Variants in AIG1 observed in about 807,000 individuals in gnomAD.
AIG1 encodes the protein androgen induced 1.
In AIG1, 23 loss-of-function variants were observed where a neutral mutation model predicts 31.4. The observed-to-expected ratio is 0.73, with a 90% CI of 0.53 to 1.04. The LOEUF is 1.04. AIG1 is among the 50% of genes least tolerant of loss of function. The probability of loss-of-function intolerance (pLI) is 0.00; values close to 1 mark genes in which losing one functional copy is unlikely to be tolerated. For synonymous variants in AIG1, 100 were observed against 110.5 expected (o/e 0.90, Z 0.60); for missense variants, 274 against 295.0 (o/e 0.93, Z 0.52).
Position 143,136,842 on chromosome 6 carries a change from A to T in AIG1, c.149A>T (p.Gln50Leu). 7.0e-7 allele frequency: 1 copy of T among 1,428,842 alleles called. No individual in the cohort carries two copies. Among genetic ancestry groups the T allele is most frequent in the Non-Finnish European group, 9.3e-7 (1 of 1,073,148 alleles). The allele number at this position is 1,428,842 out of a possible 1,614,324, so 88.5% of individuals were successfully genotyped here. A position where few individuals can be genotyped will look rare whatever the true frequency, so the allele number is the denominator to read the frequency against. Residue 50 changes from glutamine (Q) to leucine (L), a missense_variant, in exon 2 of 6, where the codon CAG becomes CTG. Around this residue, in one of 2 missense-constraint regions of AIG1, gnomAD observed 243 missense variants for 238.5 expected, o/e 1.02. Transcript: ENST00000357847. ...KFLTFIDLVI[Q>L]AVFFGICVLT... The stretch of plus-strand genomic sequence containing the variant: ...GCTGTTGTCCCCCTACAGGTTATCC[A>T]GGCTGTCTTTTTTGGCATCTGTGTG...
intron 3 of AIG1, among the ~76,000 whole-genome samples, chr6:143,195,580 G>C (rs750031508): frequency 1.6e-4 from 24 of 150,966 alleles, no homozygotes; most frequent in Non-Finnish European, 2.2e-4. Context: ...ATTTAGGAAG[G>C]AATAGAAGAA....
chr6:143,241,922 AAATG>A (rs1794272265), intron 3 of AIG1, among the ~76,000 whole-genome samples: 1 of 152,224 alleles, frequency 6.6e-6, no homozygotes, highest in Non-Finnish European at 1.5e-5. Context: ...TGTAAAAAAT[AAATG>A]AATTTCATGT....
At chr6:143,156,783 C>T (rs763447342) in intron 2 of AIG1, among the ~76,000 whole-genome samples, 6 of 152,250 alleles carry the variant, frequency 3.9e-5, no homozygotes, top group Non-Finnish European at 7.3e-5. Context: ...GATGACCCTT[C>T]AGAGTCATCC....
At chr6:143,145,988 C>T (rs1012907797) in intron 2 of AIG1, among the ~76,000 whole-genome samples, 1 of 152,064 alleles carries the variant, frequency 6.6e-6, no homozygotes, top group African/African-American at 2.4e-5. Context: ...TGAAGAAGTC[C>T]TTCTCAAAGA....
chr6:143,161,525 T>C (rs1476091286), intron 2 of AIG1, among the ~76,000 whole-genome samples: 1 of 81,224 alleles, frequency 1.2e-5, no homozygotes, highest in East Asian at 2.8e-3. Flanking sequence ...AGTAAAAACA[T>C]ATATTATATA....
At chr6:143,083,905 T>C (rs1228268489) in intron 1 of AIG1, among the ~76,000 whole-genome samples, 1 of 152,206 alleles carries the variant, frequency 6.6e-6, no homozygotes, top group Admixed American at 6.5e-5. Flanking sequence ...TAATGGCCCC[T>C]GCTTTTGCTA....
intron 3 of AIG1, chr6:143,188,098 G>C: frequency 9.9e-7 from 1 of 1,010,018 alleles, no homozygotes; most frequent in Non-Finnish European, 1.2e-6. Context: ...TAAATGGAGA[G>C]ACGGGAGTTT....
At chr6:143,187,212 T>G (rs561865193) in intron 3 of AIG1, among the ~76,000 whole-genome samples, 8 of 152,350 alleles carry the variant, frequency 5.3e-5, no homozygotes, top group African/African-American at 1.9e-4. Context: ...GACAAAGAAT[T>G]CAGATCTTCC....
chr6:143,081,924 C>T (rs1328345365), intron 1 of AIG1, among the ~76,000 whole-genome samples: 2 of 152,042 alleles, frequency 1.3e-5, no homozygotes, highest in Non-Finnish European at 2.9e-5. Flanking sequence ...CTTTTGGCTT[C>T]AATATCTGCT....
At chr6:143,303,104 C>T (rs1798949294) in intron 4 of AIG1, among the ~76,000 whole-genome samples, 2 of 151,906 alleles carry the variant, frequency 1.3e-5, no homozygotes, top group Non-Finnish European at 2.9e-5. Context: ...TGTTTGAGTT[C>T]ATTGTAGATT....
chr6:143,063,174 G>C (rs749511862), intron 1 of AIG1, among the ~76,000 whole-genome samples: 1 of 152,198 alleles, frequency 6.6e-6, no homozygotes, highest in South Asian at 2.1e-4. Context: ...GAGTCAGCTT[G>C]ATATGCTGTC....
rs537736610 is a variant in AIG1, at chr6:143,333,517, A to G, written c.679+72A>G. 1.9e-4 allele frequency: 280 copies of G among 1,486,656 alleles called. No individual in the cohort carries two copies. Among genetic ancestry groups the G allele is most frequent in the Non-Finnish European group, 1.3e-5 (14 of 1,093,906 alleles). The allele number at this position is 1,486,656 out of a possible 1,614,324, so 92.1% of individuals were successfully genotyped here. ...AACAGTCTATGCAGAGACTGAGGGAAAATTCCACTGTAGCCTCTTCTTTTA... is the reference window on the plus strand; with the variant it reads ...AACAGTCTATGCAGAGACTGAGGGAGAATTCCACTGTAGCCTCTTCTTTTA... On this transcript the variant is annotated intron_variant, in intron 5 of 5. Coordinates refer to ENST00000357847, the MANE Select transcript of AIG1 (RefSeq NM_016108.4). This position sits in a 1 kb window ranked among gnomAD's most constrained non-coding sequence, Gnocchi z 4.6.
At chr6:143,171,077 A>C (rs1787464214) in intron 3 of AIG1, among the ~76,000 whole-genome samples, 1 of 152,032 alleles carries the variant, frequency 6.6e-6, no homozygotes, top group Non-Finnish European at 1.5e-5. Context: ...AAGTGTTGGG[A>C]GAGATATGAA....
chr6:143,170,536 T>A (rs1787398810), intron 3 of AIG1, among the ~76,000 whole-genome samples: 1 of 151,956 alleles, frequency 6.6e-6, no homozygotes, highest in African/African-American at 2.4e-5. Context: ...CTCTTTTTTC[T>A]TAGTCTACCT....
At chr6:143,076,797 G>A (rs1047730543) in intron 1 of AIG1, among the ~76,000 whole-genome samples, 10 of 150,772 alleles carry the variant, frequency 6.6e-5, no homozygotes, top group South Asian at 2.1e-4. Context: ...TCAGCCTCCC[G>A]AGTAGCTGAG....
At chr6:143,100,440 A>T (rs976061548) in intron 1 of AIG1, among the ~76,000 whole-genome samples, 1 of 152,214 alleles carries the variant, frequency 6.6e-6, no homozygotes, top group Non-Finnish European at 1.5e-5. Flanking sequence ...AAAGCAGAAA[A>T]AAAGAAGGAA....
chr6:143,217,713 T>C (rs1485379133), intron 3 of AIG1, among the ~76,000 whole-genome samples: 1 of 152,196 alleles, frequency 6.6e-6, no homozygotes, highest in African/African-American at 2.4e-5. Context: ...CTCACCATGT[T>C]GGCCAGGCTC....
At chr6:143,156,895 T>C (rs1785821237) in intron 2 of AIG1, among the ~76,000 whole-genome samples, 1 of 152,208 alleles carries the variant, frequency 6.6e-6, no homozygotes. Flanking sequence ...TCCCTGTAGC[T>C]GAGGGCAACT....
intron 4 of AIG1, among the ~76,000 whole-genome samples, chr6:143,287,066 C>T (rs1273132569): frequency 1.3e-5 from 2 of 152,094 alleles, no homozygotes; most frequent in East Asian, 1.9e-4. Context: ...CCAGCCCAAA[C>T]ATCACCTGTC....
Sources: allele counts gnomAD v4.1 joint callset (sites outside exome capture counted in the v4.1 genomes callset), GRCh38; gene constraint gnomAD v4.1.1; regional missense constraint gnomAD v4.1.1; non-coding constraint Gnocchi (gnomAD v3.1); transcripts MANE v1.5; gene names NCBI Gene and HGNC (gene_info 2026-07-23, HGNC 2026-07-21).